CDH18: variants seen among roughly 807,000 people sequenced by gnomAD.
CDH18 encodes cadherin 18.
CDH18 carries 31 observed loss-of-function variants against 67.9 expected under a neutral mutation model. That is an observed-to-expected ratio of 0.46 (90% CI 0.34 to 0.62). The LOEUF (loss-of-function observed/expected upper bound fraction) is 0.62, where lower values mean the gene tolerates loss of function less well. Ranked by LOEUF, CDH18 falls within the 20% of genes least tolerant of loss-of-function variation. The pLI is 0.01. For synonymous variants in CDH18, 362 were observed against 347.2 expected (o/e 1.04, Z -0.48); for missense variants, 890 against 975.5 (o/e 0.91, Z 1.17).
intron 2 of CDH18, among the ~76,000 whole-genome samples, chr5:19,868,462 C>T (rs1351884369): frequency 1.2e-4 from 19 of 152,220 alleles, no homozygotes; most frequent in South Asian, 6.2e-4. Flanking sequence ...GAATACACCA[C>T]GAAACATACG....
chr5:20,334,364 C>T (rs1739509776), intron 1 of CDH18, among the ~76,000 whole-genome samples: 1 of 151,460 alleles, frequency 6.6e-6, no homozygotes, highest in Non-Finnish European at 1.5e-5. Flanking sequence ...GTCTCGATCT[C>T]CTGACCTCGT....
chr5:19,961,216 C>A (rs1400407144), intron 2 of CDH18, among the ~76,000 whole-genome samples: 1 of 151,244 alleles, frequency 6.6e-6, no homozygotes, highest in Non-Finnish European at 1.5e-5. Context: ...GATTCTCCTG[C>A]CTCAGCCTCC....
intron 10 of CDH18, among the ~76,000 whole-genome samples, chr5:19,511,460 G>A (rs1745098628): frequency 6.6e-6 from 1 of 152,104 alleles, no homozygotes; most frequent in African/African-American, 2.4e-5. Context: ...GAAGACGTGG[G>A]AAGGTTTGGA....
intron 1 of CDH18, among the ~76,000 whole-genome samples, chr5:20,483,307 T>C (rs1752943575): frequency 6.6e-6 from 1 of 152,072 alleles, no homozygotes; most frequent in Non-Finnish European, 1.5e-5. Flanking sequence ...TATTTTTGAA[T>C]TGGAAGAATC....
At chr5:19,511,915 G>A (rs1745184364) in intron 10 of CDH18, among the ~76,000 whole-genome samples, 1 of 152,128 alleles carries the variant, frequency 6.6e-6, no homozygotes, top group Non-Finnish European at 1.5e-5. Context: ...CAAGACAATG[G>A]AGAAAATGTC....
chr5:19,926,792 C>T (rs1310304093), intron 2 of CDH18, among the ~76,000 whole-genome samples: 2 of 151,630 alleles, frequency 1.3e-5, no homozygotes, highest in African/African-American at 4.8e-5. Context: ...AAAAGGTATG[C>T]CAAGATATTT....
At chr5:19,973,419 A>T (rs1421677795) in intron 2 of CDH18, among the ~76,000 whole-genome samples, 1 of 152,118 alleles carries the variant, frequency 6.6e-6, no homozygotes, top group African/African-American at 2.4e-5. Flanking sequence ...ATGTACTTCA[A>T]ATTTATTTTC....
At chr5:19,996,887 C>T (rs1365348570) in intron 2 of CDH18, among the ~76,000 whole-genome samples, 1 of 151,878 alleles carries the variant, frequency 6.6e-6, no homozygotes, top group Non-Finnish European at 1.5e-5. Context: ...TATATACATA[C>T]ATACATGAAT....
chr5:19,934,506 A>G (rs999993197), intron 2 of CDH18, among the ~76,000 whole-genome samples: 1 of 151,464 alleles, frequency 6.6e-6, no homozygotes, highest in African/African-American at 2.4e-5. Context: ...ATGGTTCCCT[A>G]AAGAATTCTT....
intron 5 of CDH18, among the ~76,000 whole-genome samples, chr5:19,659,893 C>T (rs1353937858): frequency 6.6e-6 from 1 of 152,018 alleles, no homozygotes; most frequent in African/African-American, 2.4e-5. Context: ...TATAGCAGCA[C>T]AAATGCACTA....
At chr5:20,279,671 C>T (rs1746076198) in intron 1 of CDH18, among the ~76,000 whole-genome samples, 1 of 110,526 alleles carries the variant, frequency 9.0e-6, no homozygotes, top group South Asian at 3.2e-4. Context: ...TGCACTCCTT[C>T]CTGGGTGACA....
At chr5:20,503,105 C>A (rs1474773676) in intron 1 of CDH18, among the ~76,000 whole-genome samples, 1 of 151,928 alleles carries the variant, frequency 6.6e-6, no homozygotes, top group East Asian at 1.9e-4. Context: ...GATTTTTCAA[C>A]TATTAGTTTC....
intron 2 of CDH18, among the ~76,000 whole-genome samples, chr5:20,035,215 T>A (rs1411335095): frequency 6.6e-6 from 1 of 152,088 alleles, no homozygotes; most frequent in Non-Finnish European, 1.5e-5. Context: ...TTTGGGGATT[T>A]TTTTATGACT....
intron 1 of CDH18, among the ~76,000 whole-genome samples, chr5:20,539,779 C>T (rs1756952024): frequency 6.6e-6 from 1 of 150,708 alleles, no homozygotes; most frequent in Admixed American, 6.6e-5. Context: ...CACACACACA[C>T]ACCCTCCCTA....
intron 2 of CDH18, among the ~76,000 whole-genome samples, chr5:20,020,248 G>A (rs928215644): frequency 6.6e-6 from 1 of 152,170 alleles, no homozygotes; most frequent in African/African-American, 2.4e-5. Flanking sequence ...GAGCATAAAA[G>A]TTCAGAAAAT....
intron 1 of CDH18, among the ~76,000 whole-genome samples, chr5:20,279,965 T>C (rs1359471103): frequency 6.6e-6 from 1 of 151,900 alleles, no homozygotes; most frequent in African/African-American, 2.4e-5. Flanking sequence ...TAGTCCACGT[T>C]AGCACACAAA....
rs1039972168 is a variant in CDH18, at chr5:20,305,776, C to T, written c.-579-50271G>A. The T allele has an allele frequency of 1.5e-5, 4 of 266,574 alleles. No homozygotes were observed. The Admixed American group carries it at 1.5e-4, about 10-fold the overall frequency. The allele number at this position is 266,574 out of a possible 1,614,324, so 16.5% of individuals were successfully genotyped here. On this transcript the variant is annotated intron_variant, in intron 1 of 14. Transcript: ENST00000507958. ...CGCTTTGGGCGGCCATTTTGTAACT[C>T]GAATCTACCCCCAAAACCAATTCGA...
At position 20,307,329 on chromosome 5, in the gene CDH18, TAG is replaced by T. The variant is rs1256435999; in HGVS notation, c.-579-51826_-579-51825del. On this transcript the variant is annotated intron_variant, in intron 1 of 14. Transcript: ENST00000507958. ...GGGCTTTAGCATTGAGAATGGATCT[TAG>T]AGGGCAGAGTAGATGTGGGGAGACA... Among the ~76,000 whole-genome samples the T allele has an allele frequency of 6.6e-5, 10 of 152,252 alleles. No homozygotes were observed. The East Asian group carries it at 1.9e-3, about 29-fold the overall frequency.
chr5:19,695,760 T>A (rs1212076300), intron 5 of CDH18, among the ~76,000 whole-genome samples: 1 of 152,176 alleles, frequency 6.6e-6, no homozygotes, highest in Admixed American at 6.5e-5. Flanking sequence ...TATAGCAACC[T>A]TTGACTGTTA....
Sources: allele counts gnomAD v4.1 joint callset (sites outside exome capture counted in the v4.1 genomes callset), GRCh38; gene constraint gnomAD v4.1.1; transcripts MANE v1.5; gene names NCBI Gene and HGNC (gene_info 2026-07-23, HGNC 2026-07-21).